RYR2: variants seen among roughly 807,000 people sequenced by gnomAD.
The protein encoded by RYR2 is cardiac muscle ryanodine receptor-calcium release channel.
Under a neutral mutation model 601.1 loss-of-function variants are expected in RYR2, and 227 were observed. The observed-to-expected ratio is 0.38, with a 90% CI of 0.34 to 0.42. The LOEUF (loss-of-function observed/expected upper bound fraction) is 0.42. Ranked by LOEUF, RYR2 falls within the 10% of genes least tolerant of loss-of-function variation. The pLI is 1.00. For missense variants in RYR2, 4,646 were observed against 6,156.5 expected, an observed-to-expected ratio of 0.75 and a Z score of 8.21; for synonymous variants, 2,223 against 2,175.1, an observed-to-expected ratio of 1.02 and a Z score of -0.61.
chr1:237,312,128 C>A (rs919989354), intron 2 of RYR2, among the ~76,000 whole-genome samples: 1 of 152,080 alleles, frequency 6.6e-6, no homozygotes, highest in African/African-American at 2.4e-5. Flanking sequence ...TGAGCAAATT[C>A]TTTGGTAAAA....
chr1:237,784,558 C>T lies in RYR2; in HGVS notation c.12846C>T (p.Ala4282=). The part of the protein sequence containing the change: ...KKMTVKDMVT[A]FFSSYWSIFM... ...TGACCGTGAAGGACATGGTCACGGCCTTCTTTTCATCCTACTGGAGTATTT... is the reference window on the plus strand; with the variant it reads ...TGACCGTGAAGGACATGGTCACGGCTTTCTTTTCATCCTACTGGAGTATTT... The change falls in exon 90 of 105, where the codon GCC becomes GCT. Residue 4282 remains alanine (A), a synonymous_variant. Coordinates refer to ENST00000366574, the MANE Select transcript of RYR2 (RefSeq NM_001035.3). The surrounding 1 kb of genome is among the most constrained non-coding windows in gnomAD (Gnocchi z 7.1). 3 of 1,613,934 alleles carry T rather than the reference C, an allele frequency of 1.9e-6. No individual in the cohort carries two copies.
chr1:237,267,727 C>T (rs546507744), intron 1 of RYR2: 8 of 167,732 alleles, frequency 4.8e-5, no homozygotes, highest in Non-Finnish European at 8.0e-5. Flanking sequence ...GATCCATGGG[C>T]GATAGGATGC....
At chr1:237,707,615 A>G (rs1688489506) in intron 68 of RYR2, among the ~76,000 whole-genome samples, 1 of 152,192 alleles carries the variant, frequency 6.6e-6, no homozygotes, top group African/African-American at 2.4e-5. Flanking sequence ...GAATGTGAAG[A>G]GAAGGGAGGG....
At chr1:237,283,418 T>G (rs1478327040) in intron 2 of RYR2, among the ~76,000 whole-genome samples, 1 of 152,158 alleles carries the variant, frequency 6.6e-6, no homozygotes, top group Non-Finnish European at 1.5e-5. Context: ...TCCCTTTACA[T>G]TTACTTTGGC....
intron 1 of RYR2, among the ~76,000 whole-genome samples, chr1:237,210,811 C>A (rs1480976447): frequency 1.3e-5 from 2 of 152,170 alleles, no homozygotes; most frequent in Non-Finnish European, 2.9e-5. Flanking sequence ...GAAGGCAGCA[C>A]TAGGACCATC....
chr1:237,246,062 G>T (rs1337204833), intron 1 of RYR2, among the ~76,000 whole-genome samples: 3 of 151,882 alleles, frequency 2.0e-5, no homozygotes, highest in Non-Finnish European at 4.4e-5. Flanking sequence ...TTACAGGCGT[G>T]AGCCACCACA....
intron 2 of RYR2, among the ~76,000 whole-genome samples, chr1:237,328,322 TA>T (rs1438148595): frequency 6.6e-6 from 1 of 152,180 alleles, no homozygotes; most frequent in Non-Finnish European, 1.5e-5. Context: ...AGACTATAAT[TA>T]GTATGGTTAG....
chr1:237,616,378 C>G (rs915202780), intron 37 of RYR2, among the ~76,000 whole-genome samples: 1 of 152,032 alleles, frequency 6.6e-6, no homozygotes. Flanking sequence ...GGAGAAAGAC[C>G]CAGCTAATCA....
chr1:237,311,923 G>C (rs1413738568), intron 2 of RYR2, among the ~76,000 whole-genome samples: 1 of 152,160 alleles, frequency 6.6e-6, no homozygotes, highest in Non-Finnish European at 1.5e-5. Context: ...CTATATTGCA[G>C]TTCTATGTCA....
At chr1:237,721,722 G>A (rs776901085) in intron 73 of RYR2, among the ~76,000 whole-genome samples, 1 of 152,158 alleles carries the variant, frequency 6.6e-6, no homozygotes, top group Non-Finnish European at 1.5e-5. Context: ...GTTTCACCAT[G>A]TTGGCCAGGC....
chr1:237,752,074 T>C (rs1304257537), intron 80 of RYR2, among the ~76,000 whole-genome samples: 1 of 152,208 alleles, frequency 6.6e-6, no homozygotes, highest in Non-Finnish European at 1.5e-5. Flanking sequence ...ATGCAAATTT[T>C]CTTGAATACC....
intron 1 of RYR2, among the ~76,000 whole-genome samples, chr1:237,152,788 A>G (rs1011385640): frequency 2.6e-4 from 40 of 152,200 alleles, no homozygotes; most frequent in Admixed American, 2.0e-4. Context: ...AATTGCAACA[A>G]AAGCTGAAAT....
intron 1 of RYR2, among the ~76,000 whole-genome samples, chr1:237,223,609 T>C (rs617383): frequency 0.25 from 38,693 of 152,118 alleles, 5,680 homozygotes; most frequent in South Asian, 0.35. Flanking sequence ...TTCTTCTTCT[T>C]TTTTTAAGGT....
rs1658884975 is a variant in RYR2, at chr1:237,456,803, G to A, written c.1612+68G>A. 13 of 1,515,078 alleles carry A rather than the reference G, an allele frequency of 8.6e-6. No homozygotes were observed. The East Asian group carries it at 1.9e-4, about 22-fold the overall frequency. 93.9% of individuals were successfully genotyped at this position (1,515,078 alleles called of 1,614,324 possible). On this transcript the variant is annotated intron_variant, in intron 16 of 104. Transcript: ENST00000366574. ...TAAAATGTCCATAAATGGACTAGGT[G>A]TGATGGCTCATGCCTGTAATTCCAG...
At chr1:237,274,804 A>G (rs1352650208) in intron 2 of RYR2, among the ~76,000 whole-genome samples, 1 of 151,986 alleles carries the variant, frequency 6.6e-6, no homozygotes, top group Non-Finnish European at 1.5e-5. Flanking sequence ...TACTTTTTCT[A>G]TTTTGAGATA....
intron 1 of RYR2, among the ~76,000 whole-genome samples, chr1:237,048,110 C>T (rs1356065988): frequency 6.6e-6 from 1 of 152,178 alleles, no homozygotes; most frequent in Non-Finnish European, 1.5e-5. Flanking sequence ...GTTCCCTAAG[C>T]GACTTTCCTT....
At chr1:237,236,568 G>C (rs563756489) in intron 1 of RYR2, among the ~76,000 whole-genome samples, 7 of 152,096 alleles carry the variant, frequency 4.6e-5, no homozygotes, top group Non-Finnish European at 1.0e-4. Context: ...TTGATACAAG[G>C]TTGTGCAGAT....
rs547042314 is a variant in RYR2, at chr1:237,421,878, T to G, written c.849-1214T>G. Among the ~76,000 whole-genome samples, 7 of 152,312 alleles carry G rather than the reference T, an allele frequency of 4.6e-5. No individual in the cohort carries two copies. The South Asian group carries it at 1.0e-3, about 23-fold the overall frequency. On this transcript the variant is annotated intron_variant, in intron 11 of 104. Transcript: ENST00000366574. Reference sequence around the variant, plus strand: ...GAGTATACACTTTTTCTTCATAACATATCTGGCTGTATACCTTTTGTGCTT... The same window carrying G: ...GAGTATACACTTTTTCTTCATAACAGATCTGGCTGTATACCTTTTGTGCTT...
chr1:237,397,615 A>G (rs1055726695), intron 10 of RYR2, among the ~76,000 whole-genome samples: 6 of 152,200 alleles, frequency 3.9e-5, no homozygotes, highest in Non-Finnish European at 5.9e-5. Flanking sequence ...AGCAGAAAGT[A>G]ATGTTTAAGG....
Sources: allele counts gnomAD v4.1 joint callset (sites outside exome capture counted in the v4.1 genomes callset), GRCh38; gene constraint gnomAD v4.1.1; non-coding constraint Gnocchi (gnomAD v3.1); transcripts MANE v1.5; gene names NCBI Gene and HGNC (gene_info 2026-07-23, HGNC 2026-07-21).